Variants in FER1L6 observed in about 807,000 individuals in gnomAD.
FER1L6 encodes fer-1 like family member 6, also known as fer-1-like protein 6.
FER1L6 carries 177 observed loss-of-function variants against 219.2 expected under a neutral mutation model. The ratio of observed to expected loss-of-function variants is 0.81; its 90% CI spans 0.71 to 0.91. The LOEUF is 0.91. Ranked by LOEUF, FER1L6 falls within the 40% of genes least tolerant of loss-of-function variation. The pLI is 0.00. For synonymous variants in FER1L6, 768 were observed against 824.3 expected (o/e 0.93, Z 1.17); for missense variants, 2,153 against 2,259.9 (o/e 0.95, Z 0.96).
At chr8:123,979,245 A>G (rs1816219309) in intron 10 of FER1L6, among the ~76,000 whole-genome samples, 1 of 152,212 alleles carries the variant, frequency 6.6e-6, no homozygotes, top group Admixed American at 6.5e-5. Context: ...AGCACTTCCT[A>G]AGGGCCTGCG....
chr8:124,090,073 G>C (rs1376149037), intron 33 of FER1L6, among the ~76,000 whole-genome samples: 1 of 152,120 alleles, frequency 6.6e-6, no homozygotes, highest in Non-Finnish European at 1.5e-5. Flanking sequence ...ATGCATCAAG[G>C]TAGACTGCTC....
intron 32 of FER1L6, among the ~76,000 whole-genome samples, chr8:124,079,301 G>A (rs540756446): frequency 1.3e-4 from 20 of 152,258 alleles, no homozygotes; most frequent in Admixed American, 1.0e-3. Flanking sequence ...ATCTTTTGGT[G>A]GAGACACAAT....
chr8:124,098,632 A>G (rs1431845856), intron 37 of FER1L6, among the ~76,000 whole-genome samples: 3 of 152,208 alleles, frequency 2.0e-5, no homozygotes, highest in East Asian at 1.9e-4. Context: ...CACAAAATGA[A>G]TAAGATTTTA....
At chr8:123,992,596 C>A (rs1816910671) in intron 12 of FER1L6, among the ~76,000 whole-genome samples, 1 of 152,012 alleles carries the variant, frequency 6.6e-6, no homozygotes, top group African/African-American at 2.4e-5. Flanking sequence ...CTTCCATCTT[C>A]TTCTTTTCTT....
chr8:123,881,849 C>T (rs1028014150), intron 1 of FER1L6, among the ~76,000 whole-genome samples: 3 of 152,106 alleles, frequency 2.0e-5, no homozygotes, highest in African/African-American at 7.2e-5. Flanking sequence ...TCACAGGACT[C>T]CTCCTTGGTG....
intron 18 of FER1L6, among the ~76,000 whole-genome samples, chr8:124,033,488 T>C (rs1819060571): frequency 6.6e-6 from 1 of 151,902 alleles, no homozygotes; most frequent in Non-Finnish European, 1.5e-5. Flanking sequence ...CAAAATAAAC[T>C]TACTTGATTT....
In FER1L6 at chr8:123,853,215, T is replaced by C. The variant is rs1026024032; in HGVS notation, c.-8+1030T>C. On this transcript the variant is annotated intron_variant, in intron 1 of 40. Transcript: ENST00000522917. This position sits in a 1 kb window ranked among gnomAD's most constrained non-coding sequence, Gnocchi z 6.6. ...TATAGCCCAGGCTGGAGTGCAGTGG[T>C]ACAATCTTGGCTCACTGCAGCCGCC... is the stretch of plus-strand genomic sequence containing the variant. Among the ~76,000 whole-genome samples, 1 of 152,116 alleles carries C rather than the reference T, an allele frequency of 6.6e-6. No homozygotes were observed. The highest frequency in any genetic ancestry group is 1.5e-5 in the Non-Finnish European group (1 of 68,022).
intron 3 of FER1L6, 32 bp from the exon 4 acceptor site, chr8:123,965,975 T>C: frequency 6.3e-7 from 1 of 1,575,544 alleles, no homozygotes; most frequent in Non-Finnish European, 8.7e-7. Flanking sequence ...TCTTCCTTGA[T>C]GAAACAAACA....
intron 15 of FER1L6, chr8:124,014,623 T>G (rs1398423004): frequency 2.0e-5 from 3 of 152,496 alleles, no homozygotes; most frequent in Non-Finnish European, 4.4e-5. Flanking sequence ...TCTGAGGCCT[T>G]GCAATTTTCA....
intron 1 of FER1L6, among the ~76,000 whole-genome samples, chr8:123,892,090 A>T (rs1018137356): frequency 2.0e-5 from 3 of 152,194 alleles, no homozygotes; most frequent in Non-Finnish European, 2.9e-5. Flanking sequence ...GGTTTATAGA[A>T]ATCTTACCTT....
intron 1 of FER1L6, among the ~76,000 whole-genome samples, chr8:123,950,402 A>G (rs1490769819): frequency 6.6e-6 from 1 of 152,086 alleles, no homozygotes; most frequent in East Asian, 1.9e-4. Flanking sequence ...TAATGCCTCC[A>G]TTTTCCTGGG....
intron 1 of FER1L6, among the ~76,000 whole-genome samples, chr8:123,952,592 T>A (rs1814821369): frequency 6.6e-6 from 1 of 152,114 alleles, no homozygotes; most frequent in African/African-American, 2.4e-5. Flanking sequence ...CATGCTGGAA[T>A]TCTCTGCAGA....
chr8:124,095,209 C>T (rs1037277436), intron 35 of FER1L6, among the ~76,000 whole-genome samples, 171 bp downstream of exon 35: 4 of 152,146 alleles, frequency 2.6e-5, no homozygotes, highest in Non-Finnish European at 5.9e-5. Flanking sequence ...TGGGTAGAGG[C>T]CAAGGATGCT....
intron 18 of FER1L6, among the ~76,000 whole-genome samples, chr8:124,030,515 G>A (rs886080117): frequency 3.3e-5 from 5 of 152,052 alleles, no homozygotes; most frequent in Admixed American, 6.6e-5. Context: ...ATTCATCACC[G>A]AAAGGAAACC....
In FER1L6 at chr8:124,106,979, C is replaced by T. The variant is rs1167932709; in HGVS notation, c.5289+3670C>T. 1.3e-3 allele frequency among the ~76,000 whole-genome samples: 180 copies of T among 137,188 alleles called. 1 individual carries two copies. The highest frequency in any genetic ancestry group is 4.9e-3 in the African/African-American group (173 of 35,670). 90.0% of individuals were successfully genotyped at this position (137,188 alleles called of 152,430 possible). A position where few individuals can be genotyped will look rare whatever the true frequency, so the allele number is the denominator to read the frequency against. ...TTTTTTTTTTTTTGAGACAGAGTCT[C>T]GCTCTGTCGCCCAGGCTGGAGTGCA... is the stretch of plus-strand genomic sequence containing the variant. On this transcript the variant is annotated intron_variant, in intron 39 of 40. Coordinates refer to ENST00000522917, the MANE Select transcript of FER1L6 (RefSeq NM_001039112.2).
At chr8:124,079,753 G>A (rs1821456018) in intron 32 of FER1L6, among the ~76,000 whole-genome samples, 1 of 152,186 alleles carries the variant, frequency 6.6e-6, no homozygotes, top group Admixed American at 6.5e-5. Flanking sequence ...ATGCTATAAG[G>A]GAGAGGTACA....
Position 124,101,346 on chromosome 8 carries a change from A to T in FER1L6, c.5125+8A>T, listed in dbSNP as rs370030533. The T allele has an allele frequency of 2.5e-6, 4 of 1,610,170 alleles. No individual in the cohort carries two copies. The African/African-American group carries it at 4.0e-5, about 16-fold the overall frequency. On this transcript the variant is annotated splice_region_variant and intron_variant, in intron 38 of 40. Transcript: ENST00000522917. ...CCTCAGATGACTTCCTGGGTAAGCC[A>T]GTGGCTTCATCAAGCACATATTAAT...
intron 1 of FER1L6, among the ~76,000 whole-genome samples, chr8:123,913,867 A>G (rs1399339509): frequency 6.6e-6 from 1 of 152,100 alleles, no homozygotes; most frequent in Non-Finnish European, 1.5e-5. Context: ...ATACAATTGA[A>G]TTTTTCCTAA....
At chr8:123,863,785 A>G (rs1249085854) in intron 1 of FER1L6, among the ~76,000 whole-genome samples, 2 of 127,494 alleles carry the variant, frequency 1.6e-5, no homozygotes, top group Non-Finnish European at 3.2e-5. Flanking sequence ...CTGTTTTATC[A>G]GAGACTAGGA....
Sources: gnomAD v4.1 joint callset for allele counts (sites outside exome capture counted in the v4.1 genomes callset) on GRCh38, gnomAD v4.1.1 for gene constraint, Gnocchi (gnomAD v3.1) non-coding constraint, MANE v1.5 for transcripts, NCBI Gene and HGNC (gene_info 2026-07-23, HGNC 2026-07-21) for gene names.